The following PCMTD1 variants were observed in gnomAD, a reference collection of about 807,000 sequenced individuals.
PCMTD1 encodes protein-L-isoaspartate (D-aspartate) O-methyltransferase domain containing 1.
Under a neutral mutation model 37.6 loss-of-function variants are expected in PCMTD1, and 12 were observed. The observed-to-expected ratio is 0.32, with a 90% CI of 0.20 to 0.52. The LOEUF is 0.52. Among genes scored for constraint, PCMTD1 ranks in the 20% least tolerant of loss-of-function variants. The pLI is 0.97. For missense variants in PCMTD1, 235 were observed against 421.3 expected, an observed-to-expected ratio of 0.56 and a Z score of 3.87; for synonymous variants, 117 against 135.8, an observed-to-expected ratio of 0.86 and a Z score of 0.96.
At chr8:51,869,094 A>T (rs2129289170) in intron 1 of PCMTD1, among the ~76,000 whole-genome samples, 1 of 152,280 alleles carries the variant, frequency 6.6e-6, no homozygotes, top group Middle Eastern at 3.4e-3. Flanking sequence ...ATGAATAATC[A>T]ATATAATCAA....
chr8:51,872,469 T>C (rs1265466547), intron 1 of PCMTD1, among the ~76,000 whole-genome samples: 1 of 152,172 alleles, frequency 6.6e-6, no homozygotes, highest in African/African-American at 2.4e-5. Flanking sequence ...AACTGCAGCC[T>C]AGAAAAACCT....
rs755244986 is a variant in PCMTD1 at position 51,861,196 on chromosome 8, T to C, written c.-45A>G. On this transcript the variant is annotated 5_prime_UTR_variant, in exon 2 of 6. Transcript: ENST00000522514. Reference sequence around the variant, plus strand: ...CATAAATTTAAAAGTGAAATAAAATTAGTAGAAATGGCTTCCAATATTGCA... The same window carrying C: ...CATAAATTTAAAAGTGAAATAAAATCAGTAGAAATGGCTTCCAATATTGCA... 2.6e-6 allele frequency: 4 copies of C among 1,529,540 alleles called. No individual in the cohort carries two copies. In the South Asian group the frequency reaches 5.3e-5, roughly 20 times the overall value. The allele number at this position is 1,529,540 out of a possible 1,614,324, so 94.7% of individuals were successfully genotyped here. A position where few individuals can be genotyped will look rare whatever the true frequency, so the allele number is the denominator to read the frequency against.
rs181788145 is a variant in PCMTD1 at position 51,881,809 on chromosome 8, G to T, written c.-96+17121C>A. Among the ~76,000 whole-genome samples, 156 of 152,058 alleles carry T rather than the reference G, an allele frequency of 1.0e-3. 2 individuals are homozygous for T. In the East Asian group the frequency reaches 0.024, roughly 24 times the overall value. ...CTCATATCTGGGCTCCATTTTTTTC[G>T]ATTTCAAAAGTGCATTATCTAATCT... On this transcript the variant is annotated intron_variant, in intron 1 of 5. Transcript: ENST00000522514.
intron 1 of PCMTD1, among the ~76,000 whole-genome samples, chr8:51,892,225 C>A (rs4634632): frequency 0.69 from 104,601 of 152,212 alleles, 42,391 homozygotes; most frequent in Non-Finnish European, 0.9. Context: ...TCATCCCCTG[C>A]ATAGGTTTCC....
intron 5 of PCMTD1, among the ~76,000 whole-genome samples, chr8:51,829,101 T>G (rs1207909199): frequency 6.6e-6 from 1 of 152,172 alleles, no homozygotes; most frequent in Admixed American, 6.5e-5. Context: ...AGGTTGAAAA[T>G]TTTTTAGAAC....
intron 2 of PCMTD1, among the ~76,000 whole-genome samples, chr8:51,857,755 C>A (rs986226079): frequency 3.5e-4 from 54 of 152,300 alleles, no homozygotes; most frequent in Non-Finnish European, 7.5e-4. Context: ...AGGAGTTGAT[C>A]TATTCTCCAC....
intron 1 of PCMTD1, among the ~76,000 whole-genome samples, chr8:51,893,883 A>C (rs531730584): frequency 1.3e-5 from 2 of 152,344 alleles, no homozygotes; most frequent in East Asian, 3.9e-4. Flanking sequence ...TTTACCAGTG[A>C]TCATTTTCAT....
intron 1 of PCMTD1, among the ~76,000 whole-genome samples, chr8:51,877,005 A>C (rs531297162): frequency 2.0e-5 from 3 of 152,370 alleles, no homozygotes; most frequent in Admixed American, 6.5e-5. Flanking sequence ...TAGTAACTTC[A>C]CAATGGAGAA....
chr8:51,867,554 T>C (rs915035529), intron 1 of PCMTD1, among the ~76,000 whole-genome samples: 1 of 150,998 alleles, frequency 6.6e-6, no homozygotes, highest in Non-Finnish European at 1.5e-5. Context: ...AAAAGATAAA[T>C]ATAGACTTAC....
intron 2 of PCMTD1, among the ~76,000 whole-genome samples, chr8:51,850,751 T>C (rs1206820595): frequency 6.6e-6 from 1 of 152,134 alleles, no homozygotes; most frequent in Non-Finnish European, 1.5e-5. Flanking sequence ...TCAATGAGAA[T>C]CAAAATATAA....
At chr8:51,882,856 A>G (rs1238231219) in intron 1 of PCMTD1, among the ~76,000 whole-genome samples, 1 of 151,226 alleles carries the variant, frequency 6.6e-6, no homozygotes, top group East Asian at 1.9e-4. Flanking sequence ...GGCCGGACGC[A>G]GTGGCTCACA....
At chr8:51,855,858 TG>T (rs1445430748) in intron 2 of PCMTD1, among the ~76,000 whole-genome samples, 2 of 151,878 alleles carry the variant, frequency 1.3e-5, no homozygotes, top group Admixed American at 1.3e-4. Flanking sequence ...TTAGTAGAGA[TG>T]GGGTTTCACC....
At chr8:51,868,291 G>A (rs1254587599) in intron 1 of PCMTD1, among the ~76,000 whole-genome samples, 1 of 152,042 alleles carries the variant, frequency 6.6e-6, no homozygotes, top group African/African-American at 2.4e-5. Context: ...GAAAAGAGGG[G>A]CATGGGAGCT....
At chr8:51,840,774 A>G (rs940883067) in intron 3 of PCMTD1, among the ~76,000 whole-genome samples, 5 of 152,142 alleles carry the variant, frequency 3.3e-5, no homozygotes, top group Admixed American at 2.6e-4. Context: ...AACTCTACAT[A>G]TAAAACTTAT....
intron 2 of PCMTD1, chr8:51,849,806 T>C (rs2038278934): frequency 2.3e-6 from 1 of 441,808 alleles, no homozygotes. Flanking sequence ...GCATCAAGTG[T>C]CTATGCAATA....
chr8:51,881,927 C>T (rs775464589), intron 1 of PCMTD1, among the ~76,000 whole-genome samples: 1 of 152,210 alleles, frequency 6.6e-6, no homozygotes, highest in Non-Finnish European at 1.5e-5. Context: ...CTTCTTCAAG[C>T]ATCCATGTTT....
At chr8:51,835,426 G>A (rs998029031) in intron 3 of PCMTD1, among the ~76,000 whole-genome samples, 1 of 152,014 alleles carries the variant, frequency 6.6e-6, no homozygotes, top group African/African-American at 2.4e-5. Context: ...TCAAAACTAT[G>A]CCATAATCTC....
intron 1 of PCMTD1, among the ~76,000 whole-genome samples, chr8:51,889,222 T>C (rs1020692343): frequency 2.0e-5 from 3 of 152,210 alleles, no homozygotes; most frequent in African/African-American, 7.2e-5. Context: ...TCACTTTCTA[T>C]CAAGTGTTAA....
intron 2 of PCMTD1, 30 bp from the exon 3 acceptor site, chr8:51,845,793 ATAT>A: frequency 1.4e-6 from 2 of 1,452,444 alleles, no homozygotes; most frequent in South Asian, 2.3e-5. Context: ...TTTATAAAAA[ATAT>A]TAATAATATG....
Sources: allele counts gnomAD v4.1 joint callset (sites outside exome capture counted in the v4.1 genomes callset), GRCh38; gene constraint gnomAD v4.1.1; transcripts MANE v1.5; gene names NCBI Gene and HGNC (gene_info 2026-07-23, HGNC 2026-07-21).